The following FGF12 variants were observed in gnomAD, a reference collection of about 807,000 sequenced individuals.
FGF12 encodes fibroblast growth factor 12B.
Under a neutral mutation model 23.6 loss-of-function variants are expected in FGF12, and 14 were observed. That is an observed-to-expected ratio of 0.59 (90% CI 0.39 to 0.93). The LOEUF is 0.93. Ranked by LOEUF, FGF12 falls within the 40% of genes least tolerant of loss-of-function variation. FGF12 has a pLI of 0.00. For missense variants in FGF12, 175 were observed against 217.8 expected (o/e 0.80, Z 1.24); for synonymous variants, 62 against 77.3 (o/e 0.80, Z 1.04).
intron 2 of FGF12, among the ~76,000 whole-genome samples, chr3:192,675,611 T>C (rs1479187749): frequency 2.0e-5 from 3 of 152,184 alleles, no homozygotes; most frequent in South Asian, 2.1e-4. Flanking sequence ...CAGGTTTTTA[T>C]GCCTGTCTTA....
intron 2 of FGF12, among the ~76,000 whole-genome samples, chr3:192,631,694 A>G (rs1423024845): frequency 7.2e-5 from 11 of 152,230 alleles, no homozygotes; most frequent in Admixed American, 3.9e-4. Flanking sequence ...GGCAGGTGGC[A>G]TACCCCATTA....
intron 5 of FGF12, among the ~76,000 whole-genome samples, chr3:192,164,504 A>C (rs1715049892): frequency 6.6e-6 from 1 of 152,184 alleles, no homozygotes; most frequent in Admixed American, 6.5e-5. Flanking sequence ...GTAGGACTTA[A>C]CCATCCTCAA....
At chr3:192,523,845 A>G (rs1724879115) in intron 2 of FGF12, among the ~76,000 whole-genome samples, 1 of 152,236 alleles carries the variant, frequency 6.6e-6, no homozygotes, top group Admixed American at 6.5e-5. Flanking sequence ...GATAGCACAG[A>G]TGAGAAGAGT....
chr3:192,464,566 T>A (rs1722956505), intron 2 of FGF12, among the ~76,000 whole-genome samples: 1 of 151,196 alleles, frequency 6.6e-6, no homozygotes, highest in South Asian at 2.1e-4. Flanking sequence ...CTTTATGCAC[T>A]CATTGATTGA....
At chr3:192,160,940 C>A (rs567056197) in intron 5 of FGF12, among the ~76,000 whole-genome samples, 2 of 152,084 alleles carry the variant, frequency 1.3e-5, no homozygotes, top group South Asian at 2.1e-4. Flanking sequence ...GAATACTATA[C>A]GGTAGACAAT....
At chr3:192,567,737 CTTTCTTTCT>C (rs1264079618) in intron 2 of FGF12, among the ~76,000 whole-genome samples, 1 of 45,172 alleles carries the variant, frequency 2.2e-5, no homozygotes. Flanking sequence ...CCATGTGTCT[CTTTCTTTCT>C]TTCTTTCTTT....
intron 2 of FGF12, among the ~76,000 whole-genome samples, chr3:192,655,116 G>T (rs1006347367): frequency 4.6e-5 from 7 of 152,042 alleles, no homozygotes; most frequent in African/African-American, 1.4e-4. Flanking sequence ...TTTGTATATG[G>T]TGTATAAAAC....
intron 2 of FGF12, among the ~76,000 whole-genome samples, chr3:192,517,936 T>C (rs1014815113): frequency 6.6e-6 from 1 of 152,120 alleles, no homozygotes; most frequent in African/African-American, 2.4e-5. Context: ...AATTCATTTT[T>C]ACATGTATCA....
At chr3:192,269,865 TTTA>T (rs144664677) in intron 4 of FGF12, among the ~76,000 whole-genome samples, 1,650 of 152,328 alleles carry the variant, frequency 0.011, 17 homozygotes, top group Non-Finnish European at 0.015. Context: ...TTGAAGTGAT[TTTA>T]TTAAGACAAA....
intron 2 of FGF12, among the ~76,000 whole-genome samples, chr3:192,690,812 T>C (rs960789338): frequency 6.6e-6 from 1 of 151,998 alleles, no homozygotes; most frequent in African/African-American, 2.4e-5. Context: ...GACATGAGAC[T>C]CATTTCACCT....
rs547001510 is a variant in FGF12, at chr3:192,390,609, AAGCTGAT to A, written c.14-30078_14-30072del. 3.7e-3 allele frequency among the ~76,000 whole-genome samples: 557 copies of A among 152,326 alleles called. 4 individuals are homozygous for A. The highest frequency in any genetic ancestry group is 0.013 in the African/African-American group (532 of 41,578). Reference sequence around the variant, plus strand: ...ATGAAGAAAAGGTTATATGAAACAGAAGCTGATAGCTATGTGATGACCATGACCATGC... The same window carrying A: ...ATGAAGAAAAGGTTATATGAAACAGAAGCTATGTGATGACCATGACCATGC... On this transcript the variant is annotated intron_variant, in intron 2 of 5. Coordinates refer to ENST00000445105, the MANE Select transcript of FGF12 (RefSeq NM_004113.6).
intron 4 of FGF12, among the ~76,000 whole-genome samples, chr3:192,261,425 A>T (rs898943689): frequency 2.6e-5 from 4 of 152,200 alleles, no homozygotes; most frequent in Non-Finnish European, 4.4e-5. Flanking sequence ...GTTTCCAACC[A>T]CAGGCTTCTG....
At chr3:192,457,272 G>C (rs1311915772) in intron 2 of FGF12, among the ~76,000 whole-genome samples, 1 of 152,212 alleles carries the variant, frequency 6.6e-6, no homozygotes, top group African/African-American at 2.4e-5. Flanking sequence ...TTGCTGAAAA[G>C]ATACCCAAAA....
intron 2 of FGF12, among the ~76,000 whole-genome samples, chr3:192,717,201 AC>A (rs1305064909): frequency 6.6e-6 from 1 of 152,206 alleles, no homozygotes; most frequent in Admixed American, 6.5e-5. Flanking sequence ...ATAAGACTAT[AC>A]TAAAGTATGC....
At position 192,667,607 on chromosome 3, in the gene FGF12, TAAAAA is replaced by T. The variant is rs59867848; in HGVS notation, c.13+59569_13+59573del. 1.4e-3 allele frequency among the ~76,000 whole-genome samples: 104 copies of T among 76,178 alleles called. 3 individuals carry two copies. Among genetic ancestry groups the T allele is most frequent in the African/African-American group, 4.9e-3 (98 of 20,032 alleles). The allele number at this position is 76,178 out of a possible 152,430, so 50.0% of individuals were successfully genotyped here. A position where few individuals can be genotyped will look rare whatever the true frequency, so the allele number is the denominator to read the frequency against. ...GCCTGGGCGACAGAGCGAGACTCCGTAAAAAAAAAAAAAAAAAAAAAAAAAAGTAG... is the reference window on the plus strand; with the variant it reads ...GCCTGGGCGACAGAGCGAGACTCCGTAAAAAAAAAAAAAAAAAAAAAGTAG... On this transcript the variant is annotated intron_variant, in intron 2 of 5. Transcript: ENST00000445105.
At chr3:192,380,046 T>G (rs1176618498) in intron 2 of FGF12, among the ~76,000 whole-genome samples, 3 of 152,018 alleles carry the variant, frequency 2.0e-5, no homozygotes, top group African/African-American at 7.2e-5. Flanking sequence ...CTTGGGGAAA[T>G]AAATAACAGG....
intron 4 of FGF12, among the ~76,000 whole-genome samples, chr3:192,176,076 T>C (rs530203285): frequency 6.6e-6 from 1 of 152,136 alleles, no homozygotes; most frequent in South Asian, 2.1e-4. Flanking sequence ...CAAGGATAAA[T>C]AGACAGAAAT....
At chr3:192,569,567 G>A (rs1712499073) in intron 2 of FGF12, among the ~76,000 whole-genome samples, 1 of 152,222 alleles carries the variant, frequency 6.6e-6, no homozygotes, top group Non-Finnish European at 1.5e-5. Flanking sequence ...AAAGGCCAGG[G>A]AAAGATAATG....
At chr3:192,311,792 C>CT (rs1405993174) in intron 4 of FGF12, among the ~76,000 whole-genome samples, 1 of 152,140 alleles carries the variant, frequency 6.6e-6, no homozygotes, top group Non-Finnish European at 1.5e-5. Context: ...CATTTCTCAC[C>CT]TACGTGTGTT....
Sources: gnomAD v4.1 joint callset for allele counts (sites outside exome capture counted in the v4.1 genomes callset) on GRCh38, gnomAD v4.1.1 for gene constraint, MANE v1.5 for transcripts, NCBI Gene and HGNC (gene_info 2026-07-23, HGNC 2026-07-21) for gene names.